Variants in CNBD1 observed in about 807,000 individuals in gnomAD.
CNBD1 encodes the protein cyclic nucleotide binding domain containing 1.
CNBD1 carries 71 observed loss-of-function variants against 54.4 expected under a neutral mutation model. The observed-to-expected ratio is 1.30, with a 90% confidence interval of 1.08 to 1.59. The LOEUF is 1.59. Ranked by LOEUF, CNBD1 falls within the 40% of genes most tolerant of loss-of-function variation. The pLI, the probability that CNBD1 is intolerant of heterozygous loss-of-function variation, is 0.00. For missense variants in CNBD1, 659 were observed against 518.0 expected, an observed-to-expected ratio of 1.27 and a Z score of -2.64; for synonymous variants, 182 against 170.7, an observed-to-expected ratio of 1.07 and a Z score of -0.51.
intron 4 of CNBD1, among the ~76,000 whole-genome samples, chr8:86,966,460 T>A (rs1808076822): frequency 6.6e-6 from 1 of 152,220 alleles, no homozygotes; most frequent in Non-Finnish European, 1.5e-5. Flanking sequence ...CTTCAGATGT[T>A]CAGATGTGTC....
chr8:87,335,997 T>C (rs1809938610), intron 8 of CNBD1, among the ~76,000 whole-genome samples: 1 of 152,194 alleles, frequency 6.6e-6, no homozygotes, highest in South Asian at 2.1e-4. Flanking sequence ...TTGAAAATTC[T>C]TTTATTTAAG....
At chr8:87,372,771 T>A (rs560454857) in intron 10 of CNBD1, among the ~76,000 whole-genome samples, 16 of 151,834 alleles carry the variant, frequency 1.1e-4, no homozygotes, top group Non-Finnish European at 1.5e-5. Context: ...ACCTCATATA[T>A]GGCAAATTTT....
intron 5 of CNBD1, among the ~76,000 whole-genome samples, chr8:87,216,515 A>G (rs1563510782): frequency 1.3e-5 from 2 of 152,212 alleles, no homozygotes; most frequent in Non-Finnish European, 1.5e-5. Context: ...TATTTCTTAT[A>G]GATTTTCTAT....
chr8:87,016,319 A>G (rs1179304531), intron 4 of CNBD1, among the ~76,000 whole-genome samples: 1 of 151,938 alleles, frequency 6.6e-6, no homozygotes, highest in African/African-American at 2.4e-5. Flanking sequence ...AAAGCATAAA[A>G]TAAGCTTTTG....
intron 6 of CNBD1, among the ~76,000 whole-genome samples, chr8:87,268,169 T>C (rs1371498200): frequency 6.6e-6 from 1 of 152,138 alleles, no homozygotes; most frequent in Non-Finnish European, 1.5e-5. Flanking sequence ...GTGTATTCAA[T>C]GTTTAGCTCC....
chr8:87,061,939 T>G lies in CNBD1; in HGVS notation c.431+122185T>G, dbSNP rs373111210. ...AAGTATGACAGAGCCAATGAAGTGATCAATGCTTTTCAGGATCTCTTTTCA... is the reference window on the plus strand; with the variant it reads ...AAGTATGACAGAGCCAATGAAGTGAGCAATGCTTTTCAGGATCTCTTTTCA... On this transcript the variant is annotated intron_variant, in intron 4 of 10. Transcript: ENST00000518476. 1.2e-4 allele frequency among the ~76,000 whole-genome samples: 18 copies of G among 152,296 alleles called. No homozygotes were observed. The East Asian group carries it at 3.1e-3, about 26-fold the overall frequency.
At chr8:86,903,716 A>G (rs1388647710) in intron 2 of CNBD1, among the ~76,000 whole-genome samples, 1 of 151,836 alleles carries the variant, frequency 6.6e-6, no homozygotes, top group Non-Finnish European at 1.5e-5. Flanking sequence ...AAGTATCTCA[A>G]ATAAAGTATA....
At chr8:87,144,690 A>G (rs937321724) in intron 4 of CNBD1, among the ~76,000 whole-genome samples, 2 of 151,982 alleles carry the variant, frequency 1.3e-5, no homozygotes, top group African/African-American at 4.8e-5. Flanking sequence ...GCATGATGGC[A>G]TGCACCTGTA....
At chr8:87,025,257 G>A (rs552352570) in intron 4 of CNBD1, among the ~76,000 whole-genome samples, 2 of 152,060 alleles carry the variant, frequency 1.3e-5, no homozygotes, top group Non-Finnish European at 2.9e-5. Flanking sequence ...ATGTGGGTGG[G>A]GCCAAATAAG....
intron 3 of CNBD1, among the ~76,000 whole-genome samples, chr8:86,927,317 G>A (rs1809378578): frequency 6.6e-6 from 1 of 152,106 alleles, no homozygotes; most frequent in African/African-American, 2.4e-5. Flanking sequence ...CATTAGTGGG[G>A]GAGGCGCTGC....
chr8:87,342,427 C>G (rs1181968851), intron 8 of CNBD1, among the ~76,000 whole-genome samples: 2 of 152,042 alleles, frequency 1.3e-5, no homozygotes, highest in Non-Finnish European at 2.9e-5. Flanking sequence ...CTCTCAGTTA[C>G]TACATTATGA....
At chr8:87,049,281 T>A (rs1427645691) in intron 4 of CNBD1, among the ~76,000 whole-genome samples, 1 of 152,244 alleles carries the variant, frequency 6.6e-6, no homozygotes, top group Admixed American at 6.5e-5. Context: ...GAAGTCTGCC[T>A]ATTTCCTGAT....
At chr8:87,110,262 C>A (rs1255623994) in intron 4 of CNBD1, among the ~76,000 whole-genome samples, 1 of 152,206 alleles carries the variant, frequency 6.6e-6, no homozygotes, top group South Asian at 2.1e-4. Context: ...TTTAAGTGTC[C>A]TATTGGGGCC....
intron 4 of CNBD1, among the ~76,000 whole-genome samples, chr8:87,115,175 G>C (rs946264941): frequency 8.5e-5 from 13 of 152,272 alleles, no homozygotes; most frequent in African/African-American, 2.9e-4. Flanking sequence ...GTAAACATTT[G>C]CTTTGCAAAA....
chr8:86,917,380 A>C (rs1053359879), intron 3 of CNBD1, among the ~76,000 whole-genome samples: 3 of 152,188 alleles, frequency 2.0e-5, no homozygotes, highest in African/African-American at 7.2e-5. Context: ...AGGAAGACCT[A>C]AATTGGGCTC....
intron 4 of CNBD1, among the ~76,000 whole-genome samples, chr8:87,191,907 G>T (rs887274491): frequency 6.6e-6 from 1 of 152,026 alleles, no homozygotes; most frequent in African/African-American, 2.4e-5. Flanking sequence ...ATCTCCTAGC[G>T]CATATATGAA....
intron 6 of CNBD1, among the ~76,000 whole-genome samples, chr8:87,271,843 A>G (rs901488594): frequency 6.6e-6 from 1 of 151,294 alleles, no homozygotes. Context: ...TAGCCCAGAT[A>G]CAGAAGCAAC....
At chr8:87,372,853 G>A (rs1273874583) in intron 10 of CNBD1, among the ~76,000 whole-genome samples, 2 of 151,590 alleles carry the variant, frequency 1.3e-5, no homozygotes, top group African/African-American at 2.4e-5. Flanking sequence ...TATAAGCCAT[G>A]GTATTTTCCA....
intron 1 of CNBD1, among the ~76,000 whole-genome samples, chr8:86,867,735 A>G (rs559837680): frequency 6.6e-6 from 1 of 152,358 alleles, no homozygotes; most frequent in Non-Finnish European, 1.5e-5. Flanking sequence ...AATAAAAGTC[A>G]CCATAAAATA....
Sources: allele counts gnomAD v4.1 joint callset (sites outside exome capture counted in the v4.1 genomes callset), GRCh38; gene constraint gnomAD v4.1.1; transcripts MANE v1.5; gene names NCBI Gene and HGNC (gene_info 2026-07-23, HGNC 2026-07-21).